TWIST2: variants seen among roughly 807,000 people sequenced by gnomAD.
TWIST2 encodes the protein twist-related protein 2.
Under a neutral mutation model 11.6 loss-of-function variants are expected in TWIST2, and 1 was observed. That is an observed-to-expected ratio of 0.09 (90% CI 0.03 to 0.41). The LOEUF is 0.41. Ranked by LOEUF, TWIST2 falls within the 10% of genes least tolerant of loss-of-function variation. TWIST2 has a pLI of 0.98. For missense variants in TWIST2, 168 were observed against 226.4 expected (o/e 0.74, Z 1.66); for synonymous variants, 87 against 96.6 (o/e 0.90, Z 0.58).
chr2:238,898,178 G>A (rs1343895119), intron 1 of TWIST2, among the ~76,000 whole-genome samples: 2 of 152,228 alleles, frequency 1.3e-5, no homozygotes, highest in Admixed American at 1.3e-4. Flanking sequence ...GGAGCATCTT[G>A]CCTGTAACCA....
chr2:238,900,845 T>G (rs1374747663), intron 1 of TWIST2, among the ~76,000 whole-genome samples: 1 of 152,142 alleles, frequency 6.6e-6, no homozygotes, highest in Non-Finnish European at 1.5e-5. Context: ...CCCCTCCTCT[T>G]GTTTTCCTTC....
chr2:238,861,410 G>T (rs142564858), intron 1 of TWIST2, among the ~76,000 whole-genome samples: 3,543 of 152,214 alleles, frequency 0.023, 156 homozygotes, highest in African/African-American at 0.081. Context: ...TGCCTGGGGG[G>T]ACACTGGAGC....
At chr2:238,874,433 T>C (rs1692767856) in intron 1 of TWIST2, among the ~76,000 whole-genome samples, 1 of 152,134 alleles carries the variant, frequency 6.6e-6, no homozygotes, top group Non-Finnish European at 1.5e-5. Context: ...TGCAAAAGAA[T>C]AGAAAGAAAA....
intron 1 of TWIST2, among the ~76,000 whole-genome samples, chr2:238,888,918 C>T (rs539546767): frequency 1.4e-3 from 210 of 152,324 alleles, no homozygotes; most frequent in Non-Finnish European, 2.5e-3. Context: ...CAATGACTGT[C>T]CAATGACTGT....
intron 1 of TWIST2, among the ~76,000 whole-genome samples, chr2:238,849,132 C>G (rs542007610): frequency 3.9e-5 from 6 of 152,184 alleles, no homozygotes. Flanking sequence ...CCCTTTGCGT[C>G]CGCCGCAGCG....
chr2:238,891,919 G>A (rs539067784), intron 1 of TWIST2, among the ~76,000 whole-genome samples: 1 of 152,162 alleles, frequency 6.6e-6, no homozygotes, highest in Non-Finnish European at 1.5e-5. Context: ...GGCTATGTAG[G>A]ACAAGCTGTA....
At position 238,867,948 on chromosome 2, in the gene TWIST2, G is replaced by A. The variant is rs1692573161; in HGVS notation, c.*35+19215G>A. ...GGAGCAGAGACTGTGGTCAGCGGAA[G>A]GCATGAGAGGGGCCACCCTCCTGCA... On this transcript the variant is annotated intron_variant, in intron 1 of 1. Transcript: ENST00000612363. The surrounding 1 kb of genome is among the most constrained non-coding windows in gnomAD (Gnocchi z 4.8). Among the ~76,000 whole-genome samples, 1 of 152,226 alleles carries A rather than the reference G, an allele frequency of 6.6e-6. No individual in the cohort carries two copies.
chr2:238,878,945 A>G (rs960037950), intron 1 of TWIST2, among the ~76,000 whole-genome samples: 6 of 152,216 alleles, frequency 3.9e-5, no homozygotes, highest in Non-Finnish European at 5.9e-5. Context: ...AAACATACCA[A>G]TGAGGGCATG....
At chr2:238,865,992 G>A (rs1318215970) in intron 1 of TWIST2, among the ~76,000 whole-genome samples, 5 of 152,288 alleles carry the variant, frequency 3.3e-5, no homozygotes, top group Non-Finnish European at 7.4e-5. Flanking sequence ...GCCCTTCTTT[G>A]TGTGGTTAGC....
At chr2:238,909,131 T>G (rs1693409689) in intron 1 of TWIST2, among the ~76,000 whole-genome samples, 1 of 138,286 alleles carries the variant, frequency 7.2e-6, no homozygotes, top group Admixed American at 7.5e-5. Context: ...TGGGGTGTGT[T>G]CGTGGGTGTG....
chr2:238,881,411 CAGTGTT>C lies in TWIST2; in HGVS notation c.*36-28421_*36-28416del, dbSNP rs1164438468. On this transcript the variant is annotated intron_variant, in intron 1 of 1. Transcript: ENST00000612363. The stretch of plus-strand genomic sequence containing the variant: ...AGTTACTATTTATTAGTGTCAGTGT[CAGTGTT>C]AGTGTTAGTATTAGTGTCGGTATTT... 3.1e-3 allele frequency among the ~76,000 whole-genome samples: 461 copies of C among 149,826 alleles called. 4 individuals carry two copies. The highest frequency in any genetic ancestry group is 0.011 in the African/African-American group (426 of 40,156).
chr2:238,890,281 C>A (rs75500007), intron 1 of TWIST2, among the ~76,000 whole-genome samples: 5,313 of 152,324 alleles, frequency 0.035, 245 homozygotes, highest in East Asian at 0.18. Context: ...CCCACAGACG[C>A]TGACCGCTGC....
At chr2:238,860,344 C>T (rs1377080002) in intron 1 of TWIST2, among the ~76,000 whole-genome samples, 2 of 152,334 alleles carry the variant, frequency 1.3e-5, no homozygotes, top group Admixed American at 6.5e-5. Flanking sequence ...GATCTGTGCA[C>T]CCTTTACATG....
At chr2:238,853,817 C>T (rs985459387) in intron 1 of TWIST2, among the ~76,000 whole-genome samples, 1 of 152,196 alleles carries the variant, frequency 6.6e-6, no homozygotes, top group Non-Finnish European at 1.5e-5. Context: ...TCATTTTGAA[C>T]CCAAACGGTA....
intron 1 of TWIST2, among the ~76,000 whole-genome samples, chr2:238,862,250 T>C (rs1692448569): frequency 6.6e-6 from 1 of 152,200 alleles, no homozygotes. Context: ...ACTCACTAAA[T>C]TAAAATTGTA....
At chr2:238,886,027 C>T (rs548995705) in intron 1 of TWIST2, among the ~76,000 whole-genome samples, 3 of 147,924 alleles carry the variant, frequency 2.0e-5, no homozygotes, top group African/African-American at 2.5e-5. Flanking sequence ...CCCTGGGAGG[C>T]GGAGGTTGCA....
chr2:238,885,903 C>T (rs1366765738), intron 1 of TWIST2, among the ~76,000 whole-genome samples: 2 of 151,940 alleles, frequency 1.3e-5, no homozygotes, highest in African/African-American at 4.8e-5. Flanking sequence ...GTACTGAGGC[C>T]TAGACAACAT....
intron 1 of TWIST2, among the ~76,000 whole-genome samples, chr2:238,851,858 G>T (rs1480890609): frequency 6.6e-6 from 1 of 152,222 alleles, no homozygotes; most frequent in African/African-American, 2.4e-5. Flanking sequence ...ATCTGATGTA[G>T]GGATTTGACC....
chr2:238,905,124 C>T (rs1693325876), intron 1 of TWIST2, among the ~76,000 whole-genome samples: 1 of 152,024 alleles, frequency 6.6e-6, no homozygotes, highest in Non-Finnish European at 1.5e-5. Context: ...CTTGGCCCAC[C>T]CTGCCTCCCT....
Sources: allele counts gnomAD v4.1 joint callset (sites outside exome capture counted in the v4.1 genomes callset), GRCh38; gene constraint gnomAD v4.1.1; non-coding constraint Gnocchi (gnomAD v3.1); transcripts MANE v1.5; gene names NCBI Gene and HGNC (gene_info 2026-07-23, HGNC 2026-07-21).